Variants in ITGB6 observed in about 807,000 individuals in gnomAD.
The protein encoded by ITGB6 is integrin beta-6.
In ITGB6, 80 loss-of-function variants were observed where a neutral mutation model predicts 84.5. The observed-to-expected ratio is 0.95, with a 90% CI of 0.79 to 1.14. The LOEUF (loss-of-function observed/expected upper bound fraction) is 1.14. Among genes scored for constraint, ITGB6 ranks in the 50% most tolerant of loss-of-function variants. The probability of loss-of-function intolerance (pLI) is 0.00; values close to 1 mark genes in which losing one functional copy is unlikely to be tolerated. For missense variants in ITGB6, 1,006 were observed against 968.0 expected (o/e 1.04, Z -0.52); for synonymous variants, 383 against 354.9 (o/e 1.08, Z -0.89).
chr2:160,192,038 A>G (rs1242403750), intron 4 of ITGB6, among the ~76,000 whole-genome samples: 1 of 152,184 alleles, frequency 6.6e-6, no homozygotes. Flanking sequence ...AATATGTGTA[A>G]GATGTTCAAT....
chr2:160,135,228 T>C (rs1010633623), intron 10 of ITGB6, among the ~76,000 whole-genome samples: 3 of 151,850 alleles, frequency 2.0e-5, no homozygotes, highest in African/African-American at 7.3e-5. Context: ...AAAATCAATG[T>C]ACAAAAATCA....
At chr2:160,150,727 G>A (rs937133496) in intron 7 of ITGB6, among the ~76,000 whole-genome samples, 1 of 151,868 alleles carries the variant, frequency 6.6e-6, no homozygotes, top group South Asian at 2.1e-4. Flanking sequence ...GTGCAAAGAT[G>A]CATATAGGCT....
At chr2:160,136,300 A>T (rs1248903820) in intron 10 of ITGB6, among the ~76,000 whole-genome samples, 1 of 151,914 alleles carries the variant, frequency 6.6e-6, no homozygotes, top group African/African-American at 2.4e-5. Context: ...ACATGAAAAA[A>T]TGCTCATCAT....
At chr2:160,192,361 C>A (rs973047177) in intron 4 of ITGB6, among the ~76,000 whole-genome samples, 2 of 152,054 alleles carry the variant, frequency 1.3e-5, no homozygotes, top group Admixed American at 6.6e-5. Flanking sequence ...TAAGATAACT[C>A]AATGTGGAAA....
chr2:160,183,447 A>G (rs562362816), intron 4 of ITGB6, among the ~76,000 whole-genome samples: 36 of 152,206 alleles, frequency 2.4e-4, no homozygotes, highest in Non-Finnish European at 4.0e-4. Context: ...TAACTATCCT[A>G]AATATATATG....
At chr2:160,163,139 G>A (rs1034580091) in intron 7 of ITGB6, among the ~76,000 whole-genome samples, 2 of 152,038 alleles carry the variant, frequency 1.3e-5, no homozygotes, top group South Asian at 2.1e-4. Context: ...AACAACCCAC[G>A]GGGCAGAATC....
rs553881212 is a variant in ITGB6 at position 160,128,389 on chromosome 2, G to C, written c.1661-1788C>G. On this transcript the variant is annotated intron_variant, in intron 10 of 14. Coordinates refer to ENST00000283249, the MANE Select transcript of ITGB6 (RefSeq NM_000888.5). ...CCAAAGTTGCATATGGAGTGTGGCA[G>C]GTGGGGAAATGGAAAGGATAACAAA... is the stretch of plus-strand genomic sequence containing the variant. Among the ~76,000 whole-genome samples the C allele has an allele frequency of 6.6e-5, 10 of 152,204 alleles. No homozygotes were observed. The East Asian group carries it at 1.9e-3, about 29-fold the overall frequency.
intron 12 of ITGB6, among the ~76,000 whole-genome samples, chr2:160,118,466 G>A (rs1229325994): frequency 2.0e-5 from 3 of 152,034 alleles, no homozygotes; most frequent in Non-Finnish European, 4.4e-5. Flanking sequence ...ATTCAACAGT[G>A]CTTCATGCTA....
chr2:160,101,804 T>C lies in ITGB6; in HGVS notation c.2299A>G (p.Ser767Gly). 1 of 1,596,602 alleles carries C rather than the reference T, an allele frequency of 6.3e-7. No individual in the cohort carries two copies. Among genetic ancestry groups the C allele is most frequent in the Non-Finnish European group, 8.6e-7 (1 of 1,165,262 alleles). The change falls in exon 15 of 15, where the codon AGT (serine) becomes GGT (glycine). Residue 767 changes from serine to glycine, a missense_variant. Coordinates refer to ENST00000283249, the MANE Select transcript of ITGB6 (RefSeq NM_000888.5). ...TTATAAGTTACATTTTTAAAAGTACTTGTGGATCCTCTGTAGAGTGGATTG... is the reference window on the plus strand; with the variant it reads ...TTATAAGTTACATTTTTAAAAGTACCTGTGGATCCTCTGTAGAGTGGATTG... Reference protein sequence around the residue: ...GTNPLYRGSTSTFKNVTYKHR... With the variant: ...GTNPLYRGSTGTFKNVTYKHR...
At chr2:160,178,231 T>G (rs1468813202) in intron 4 of ITGB6, among the ~76,000 whole-genome samples, 4 of 152,192 alleles carry the variant, frequency 2.6e-5, no homozygotes, top group Non-Finnish European at 5.9e-5. Context: ...TCTTCCTCCA[T>G]AAAATGGGAA....
intron 7 of ITGB6, among the ~76,000 whole-genome samples, chr2:160,159,318 T>G (rs1489753112): frequency 6.6e-6 from 1 of 152,082 alleles, no homozygotes; most frequent in East Asian, 1.9e-4. Context: ...TTAGTAAAGC[T>G]CCCTACCTGA....
At chr2:160,162,067 C>T (rs1243222363) in intron 7 of ITGB6, among the ~76,000 whole-genome samples, 2 of 152,116 alleles carry the variant, frequency 1.3e-5, no homozygotes, top group East Asian at 3.9e-4. Context: ...CATGGACAAG[C>T]CTCAAAAGCA....
At chr2:160,116,433 AATAAAATACTTT>A (rs1226043956) in intron 12 of ITGB6, among the ~76,000 whole-genome samples, 1 of 151,988 alleles carries the variant, frequency 6.6e-6, no homozygotes, top group African/African-American at 2.4e-5. Context: ...GTGAAGGAGA[AATAAAATACTTT>A]ACAGACAAGC....
chr2:160,145,331 T>C (rs561885401), intron 7 of ITGB6, among the ~76,000 whole-genome samples: 1 of 152,290 alleles, frequency 6.6e-6, no homozygotes, highest in Admixed American at 6.5e-5. Flanking sequence ...ATTATGGATT[T>C]TCCCTGTCCT....
In ITGB6 at chr2:160,126,473, A is replaced by G. The variant is rs1437600372; in HGVS notation, c.1789T>C (p.Cys597Arg). The G allele has an allele frequency of 6.2e-7, 1 of 1,614,220 alleles. No individual in the cohort carries two copies. The highest frequency in any genetic ancestry group is 1.7e-4 in the Middle Eastern group (1 of 6,060). The change falls in exon 11 of 15, where the codon TGT (cysteine) becomes CGT (arginine). Residue 597 changes from cysteine to arginine, a missense_variant. By Grantham distance (180) the Cys-to-Arg change is radical. Transcript: ENST00000283249. ...DGVLCSGRGD[C>R]VCGKCVCTNP... is the part of the protein sequence containing the mutation. ...GTGCAAACACACTTGCCACAAACAC[A>G]GTCCCCGCGCCCGCTGCAGAGCACT...
intron 7 of ITGB6, among the ~76,000 whole-genome samples, chr2:160,150,038 A>T (rs960319407): frequency 1.3e-5 from 2 of 152,214 alleles, no homozygotes; most frequent in African/African-American, 2.4e-5. Flanking sequence ...ACTCTGCAGG[A>T]TATTATCCAG....
At chr2:160,139,909 T>C (rs995675569) in intron 8 of ITGB6, among the ~76,000 whole-genome samples, 1 of 152,192 alleles carries the variant, frequency 6.6e-6, no homozygotes, top group Non-Finnish European at 1.5e-5. Flanking sequence ...ATCAGATAAG[T>C]ACACATCGGT....
Position 160,111,875 on chromosome 2 carries a change from C to T in ITGB6, c.2101+205G>A, listed in dbSNP as rs1682532820. ...GATTACAGGTGTGAGCCACCGTGCC[C>T]GACCCTTATCTGGTCTTAATAAGAG... On this transcript the variant is annotated intron_variant, in intron 13 of 14. Transcript: ENST00000283249. Among the ~76,000 whole-genome samples the T allele has an allele frequency of 2.0e-5, 3 of 152,058 alleles. No homozygotes were observed. In the South Asian group the frequency reaches 6.2e-4, roughly 32 times the overall value.
At chr2:160,190,739 G>A (rs532274282) in intron 4 of ITGB6, among the ~76,000 whole-genome samples, 1 of 152,286 alleles carries the variant, frequency 6.6e-6, no homozygotes, top group East Asian at 1.9e-4. Context: ...CTTGAAGCCC[G>A]ATTAAGGACA....
Sources: gnomAD v4.1 joint callset for allele counts (sites outside exome capture counted in the v4.1 genomes callset) on GRCh38, gnomAD v4.1.1 for gene constraint, MANE v1.5 for transcripts, NCBI Gene and HGNC (gene_info 2026-07-23, HGNC 2026-07-21) for gene names.